PTPRQ: variants seen among roughly 807,000 people sequenced by gnomAD.
PTPRQ encodes protein tyrosine phosphatase receptor type Q.
Under a neutral mutation model 246.0 loss-of-function variants are expected in PTPRQ, and 199 were observed. That is an observed-to-expected ratio of 0.81 (90% CI 0.72 to 0.91). The LOEUF (loss-of-function observed/expected upper bound fraction) is 0.91. PTPRQ is among the 40% of genes least tolerant of loss of function. The pLI is 0.00. For synonymous variants in PTPRQ, 869 were observed against 853.2 expected, an observed-to-expected ratio of 1.02 and a Z score of -0.32; for missense variants, 2,624 against 2,528.4, an observed-to-expected ratio of 1.04 and a Z score of -0.81.
In PTPRQ at chr12:80,593,031, A is replaced by G. The variant is rs145591745; in HGVS notation, c.4609+4579A>G. Among the ~76,000 whole-genome samples, 86 of 152,208 alleles carry G rather than the reference A, an allele frequency of 5.7e-4. 3 individuals carry two copies. The highest frequency in any genetic ancestry group is 2.0e-3 in the African/African-American group (84 of 41,540). ...ATCTCAAAAATAAAATAAAAATGCA[A>G]TATGTTGTTTCATGATATAAAATAA... On this transcript the variant is annotated intron_variant, in intron 26 of 44. Coordinates refer to ENST00000644991, the MANE Select transcript of PTPRQ (RefSeq NM_001145026.2).
intron 17 of PTPRQ, among the ~76,000 whole-genome samples, chr12:80,524,510 A>G (rs892738480): frequency 6.6e-6 from 1 of 152,250 alleles, no homozygotes; most frequent in East Asian, 1.9e-4. Context: ...ATATTGCACA[A>G]TTTTAGCATT....
chr12:80,616,078 T>TA (rs1344702805), intron 29 of PTPRQ, 122 bp from the exon 30 acceptor site: 27 of 429,860 alleles, frequency 6.3e-5, no homozygotes, highest in African/African-American at 5.4e-4. Context: ...CATAATCAGT[T>TA]TTATATATAT....
chr12:80,673,388 T>C, intron 43 of PTPRQ, 84 bp downstream of exon 43: 2 of 1,494,178 alleles, frequency 1.3e-6, no homozygotes, highest in Non-Finnish European at 1.8e-6. Flanking sequence ...TGGATGGACA[T>C]GAGCTTGAAG....
chr12:80,640,025 CGTGTGTGTGT>C lies in PTPRQ; in HGVS notation c.5915+4983_5915+4992del, dbSNP rs149812346. On this transcript the variant is annotated intron_variant, in intron 35 of 44. Coordinates refer to ENST00000644991, the MANE Select transcript of PTPRQ (RefSeq NM_001145026.2). Reference sequence around the variant, plus strand: ...TCTTTCTCTGAGGTATGAAGATACACGTGTGTGTGTGTGTGTGTGTGTGTGTGTGTGTGTG... The same window carrying C: ...TCTTTCTCTGAGGTATGAAGATACACGTGTGTGTGTGTGTGTGTGTGTGTG... Among the ~76,000 whole-genome samples the C allele has an allele frequency of 7.6e-4, 109 of 143,008 alleles. 1 individual carries two copies. The highest frequency in any genetic ancestry group is 2.3e-3 in the African/African-American group (92 of 39,362). The allele number at this position is 143,008 out of a possible 152,430, so 93.8% of individuals were successfully genotyped here.
At chr12:80,675,374 G>T (rs1200680523) in intron 43 of PTPRQ, among the ~76,000 whole-genome samples, 6 of 152,138 alleles carry the variant, frequency 3.9e-5, no homozygotes, top group Non-Finnish European at 8.8e-5. Context: ...TCTTATGAAG[G>T]TTCTAATATC....
chr12:80,627,269 C>T (rs977111031), intron 33 of PTPRQ, among the ~76,000 whole-genome samples: 3 of 151,068 alleles, frequency 2.0e-5, no homozygotes, highest in Admixed American at 6.6e-5. Context: ...TGTTTGAATA[C>T]CCTAGGTGAC....
rs545904620 is a variant in PTPRQ, at chr12:80,468,996, T to A, written c.1039+158T>A. Among the ~76,000 whole-genome samples the A allele has an allele frequency of 3.9e-5, 6 of 152,322 alleles. No individual in the cohort carries two copies. In the South Asian group the frequency reaches 1.2e-3, roughly 32 times the overall value. On this transcript the variant is annotated intron_variant, in intron 7 of 44. Transcript: ENST00000644991. ...CATAAGGAAGGGGAGGTCCTTTGATTTTTTAATTCAAAACCATAAATGAGT... is the reference window on the plus strand; with the variant it reads ...CATAAGGAAGGGGAGGTCCTTTGATATTTTAATTCAAAACCATAAATGAGT...
At chr12:80,518,899 G>A (rs1268445425) in intron 17 of PTPRQ, among the ~76,000 whole-genome samples, 1 of 152,084 alleles carries the variant, frequency 6.6e-6, no homozygotes, top group African/African-American at 2.4e-5. Context: ...ATAATTTGAA[G>A]TCAGATAATG....
chr12:80,661,388 C>A (rs1900626803), intron 39 of PTPRQ, among the ~76,000 whole-genome samples: 1 of 149,998 alleles, frequency 6.7e-6, no homozygotes, highest in Non-Finnish European at 1.5e-5. Context: ...AATTCTCCCA[C>A]TATTCACTCC....
At chr12:80,652,186 T>G (rs576177836) in intron 37 of PTPRQ, among the ~76,000 whole-genome samples, 2 of 152,200 alleles carry the variant, frequency 1.3e-5, no homozygotes, top group Admixed American at 1.3e-4. Context: ...TCATCAAATG[T>G]CAATAATAGA....
intron 8 of PTPRQ, among the ~76,000 whole-genome samples, chr12:80,481,299 A>G (rs1265478198): frequency 6.6e-6 from 1 of 152,222 alleles, no homozygotes; most frequent in Non-Finnish European, 1.5e-5. Context: ...ATAGATGCAG[A>G]AAAGGCCTTT....
At chr12:80,447,927 T>G (rs1408498071) in intron 3 of PTPRQ, among the ~76,000 whole-genome samples, 3 of 152,026 alleles carry the variant, frequency 2.0e-5, no homozygotes, top group East Asian at 3.8e-4. Flanking sequence ...CTGTTCTAAT[T>G]CTGTGAAAAA....
chr12:80,477,450 T>C (rs1413092486), intron 8 of PTPRQ, among the ~76,000 whole-genome samples: 5 of 152,202 alleles, frequency 3.3e-5, no homozygotes, highest in Admixed American at 3.3e-4. Context: ...CAAACAAATG[T>C]TATGACTTTT....
chr12:80,517,077 C>A (rs1895326116), intron 17 of PTPRQ, among the ~76,000 whole-genome samples: 1 of 152,134 alleles, frequency 6.6e-6, no homozygotes, highest in Non-Finnish European at 1.5e-5. Flanking sequence ...TCCTGATAGT[C>A]ATTTTTCTGA....
Position 80,444,763 on chromosome 12 carries a change from C to T in PTPRQ, c.77C>T (p.Pro26Leu). 1 of 1,539,922 alleles carries T rather than the reference C, an allele frequency of 6.5e-7. No individual in the cohort carries two copies. Among genetic ancestry groups the T allele is most frequent in the South Asian group, 1.2e-5 (1 of 83,500 alleles). ...ETQVDVSNVV[P>L]GTRYDITISS... ...TAGGTTGATGTTTCCAATGTCGTTC[C>T]TGGTACTAGGTACGATATAACCATC... The change falls in exon 2 of 45, where the codon CCT becomes CTT. Residue 26 changes from proline to leucine, a missense_variant. Physicochemically the swap from Pro to Leu is moderately conservative, Grantham distance 98 (BLOSUM62 -3). Coordinates refer to ENST00000644991, the MANE Select transcript of PTPRQ (RefSeq NM_001145026.2).
At chr12:80,646,464 C>T (rs1208379743) in intron 35 of PTPRQ, among the ~76,000 whole-genome samples, 2 of 149,774 alleles carry the variant, frequency 1.3e-5, no homozygotes, top group East Asian at 3.9e-4. Context: ...ATGAAATGCA[C>T]ATCTTTATTA....
At chr12:80,448,506 C>A (rs1565709688) in intron 3 of PTPRQ, among the ~76,000 whole-genome samples, 1 of 151,830 alleles carries the variant, frequency 6.6e-6, no homozygotes, top group African/African-American at 2.4e-5. Flanking sequence ...GTATATCTCC[C>A]AATGCTATCC....
chr12:80,491,335 G>A (rs560564145), intron 9 of PTPRQ, among the ~76,000 whole-genome samples: 2 of 152,048 alleles, frequency 1.3e-5, no homozygotes, highest in African/African-American at 4.8e-5. Flanking sequence ...CAGCTGTGTG[G>A]TTTGGGCATA....
Position 80,605,094 on chromosome 12 carries a change from G to A in PTPRQ, c.4645G>A (p.Ala1549Thr), listed in dbSNP as rs925157181. The A allele has an allele frequency of 1.4e-5, 21 of 1,544,216 alleles. No individual in the cohort carries two copies. The highest frequency in any genetic ancestry group is 2.0e-5 in the Admixed American group (1 of 50,402). The change falls in exon 27 of 45, where the codon GCA becomes ACA. Residue 1549 changes from alanine to threonine, a missense_variant. Coordinates refer to ENST00000644991, the MANE Select transcript of PTPRQ (RefSeq NM_001145026.2). ...TCCTCCTGAAAATGTTCATGTAGTA[G>A]CAACATCACCTTTTAGCATCAGCAT... ...DGPPENVHVV[A>T]TSPFSISISW...
Sources: allele counts gnomAD v4.1 joint callset (sites outside exome capture counted in the v4.1 genomes callset), GRCh38; gene constraint gnomAD v4.1.1; transcripts MANE v1.5; gene names NCBI Gene and HGNC (gene_info 2026-07-23, HGNC 2026-07-21).